P2RX7: variants seen among roughly 807,000 people sequenced by gnomAD.
P2RX7 encodes the protein P2X purinoceptor 7.
A neutral mutation model predicts 71.6 loss-of-function variants in P2RX7; 62 were observed. The ratio of observed to expected loss-of-function variants is 0.87; its 90% CI spans 0.71 to 1.07. P2RX7 has a LOEUF of 1.07. Among genes scored for constraint, P2RX7 ranks in the 50% least tolerant of loss-of-function variants. The probability of loss-of-function intolerance (pLI) is 0.00; values close to 1 mark genes in which losing one functional copy is unlikely to be tolerated. For synonymous variants in P2RX7, 299 were observed against 283.3 expected (o/e 1.06, Z -0.56); for missense variants, 686 against 748.5 (o/e 0.92, Z 0.97).
At chr12:121,163,663 G>T (rs914065333) in intron 5 of P2RX7, among the ~76,000 whole-genome samples, 4 of 151,752 alleles carry the variant, frequency 2.6e-5, no homozygotes, top group Non-Finnish European at 5.9e-5. Flanking sequence ...TTGCTATGTT[G>T]CCCAGGCTGG....
In P2RX7 at chr12:121,175,494, C is replaced by A; in HGVS notation, c.972+16C>A. The A allele has an allele frequency of 9.5e-7, 1 of 1,055,072 alleles. No individual in the cohort carries two copies. The highest frequency in any genetic ancestry group is 1.5e-6 in the Non-Finnish European group (1 of 669,312). The allele number at this position is 1,055,072 out of a possible 1,614,324, so 65.4% of individuals were successfully genotyped here. A position where few individuals can be genotyped will look rare whatever the true frequency, so the allele number is the denominator to read the frequency against. On this transcript the variant is annotated intron_variant, in intron 9 of 12. Transcript: ENST00000328963. ...TTTTGGCACCGTAAGTCTCGTTTCC[C>A]AGCTCCGGGCACCGGCATCCTATGA...
At chr12:121,157,767 A>G (rs933760818) in intron 3 of P2RX7, among the ~76,000 whole-genome samples, 1 of 152,128 alleles carries the variant, frequency 6.6e-6, no homozygotes, top group African/African-American at 2.4e-5. Flanking sequence ...CAGGCAGGTG[A>G]CTCTTCACCT....
chr12:121,169,800 T>C (rs1411036859), intron 8 of P2RX7, among the ~76,000 whole-genome samples: 1 of 152,164 alleles, frequency 6.6e-6, no homozygotes. Context: ...TGGTCCCAGC[T>C]ACTCAGGAGG....
intron 3 of P2RX7, among the ~76,000 whole-genome samples, chr12:121,159,417 C>CAAAAAAAAAAAAAAAAAAA (rs397850013): frequency 1.5e-5 from 1 of 65,768 alleles, no homozygotes; most frequent in African/African-American, 6.0e-5. Flanking sequence ...ACTCTGTCTC[C>CAAAAAAAAAAAAAAAAAAA]AAAAAAAAAA....
intron 5 of P2RX7, among the ~76,000 whole-genome samples, chr12:121,164,197 C>T (rs1364487587): frequency 2.0e-5 from 3 of 152,152 alleles, no homozygotes; most frequent in South Asian, 4.1e-4. Context: ...TGGATTTTGA[C>T]GTGACCTGGG....
rs913089685 is a variant in P2RX7, at chr12:121,143,485, T to C, written c.125+10390T>C. Among the ~76,000 whole-genome samples the C allele has an allele frequency of 3.6e-4, 55 of 150,956 alleles. 1 individual carries two copies. Among genetic ancestry groups the C allele is most frequent in the Admixed American group, 3.6e-3 (54 of 15,150 alleles). ...GGGAGGATTGCTTGATCCTGGGAGG[T>C]TGAGGCTGCAGTGAGCTGTGTTTGT... On this transcript the variant is annotated intron_variant, in intron 1 of 12. Coordinates refer to ENST00000328963, the MANE Select transcript of P2RX7 (RefSeq NM_002562.6).
chr12:121,162,539 C>G lies in P2RX7; in HGVS notation c.533+19C>G, dbSNP rs1443911493. The G allele has an allele frequency of 2.5e-6, 4 of 1,610,470 alleles. No individual in the cohort carries two copies. The highest frequency in any genetic ancestry group is 3.4e-6 in the Non-Finnish European group (4 of 1,179,844). ...CCCCCCGGTGAGTCGCATGGGGAGA[C>G]AGACACAGTGGCCCTCAGCGGCGAC... On this transcript the variant is annotated intron_variant, in intron 5 of 12. Transcript: ENST00000328963.
intron 3 of P2RX7, among the ~76,000 whole-genome samples, chr12:121,159,439 AAG>A (rs1491060595): frequency 7.9e-5 from 12 of 151,426 alleles, no homozygotes; most frequent in Non-Finnish European, 1.5e-4. Flanking sequence ...AAAAAAAAAA[AAG>A]ACAAATCTGT....
intron 1 of P2RX7, among the ~76,000 whole-genome samples, chr12:121,145,136 A>G (rs1875855796): frequency 6.6e-6 from 1 of 152,178 alleles, no homozygotes; most frequent in Admixed American, 6.5e-5. Context: ...TGAGAAAGCA[A>G]AAGGGCCTAG....
At chr12:121,139,319 G>A (rs1178595395) in intron 1 of P2RX7, among the ~76,000 whole-genome samples, 1 of 152,208 alleles carries the variant, frequency 6.6e-6, no homozygotes, top group African/African-American at 2.4e-5. Context: ...AAAGTTGGTT[G>A]CATTCTCTTT....
chr12:121,141,759 T>C (rs935767463), intron 1 of P2RX7, among the ~76,000 whole-genome samples: 24 of 152,186 alleles, frequency 1.6e-4, no homozygotes, highest in African/African-American at 5.8e-4. Context: ...ATTGGCCTAT[T>C]TGATTCTCCT....
chr12:121,154,302 A>AAG lies in P2RX7; in HGVS notation c.126-468_126-467dup, dbSNP rs562699805. 5.9e-5 allele frequency among the ~76,000 whole-genome samples: 9 copies of AAG among 151,330 alleles called. No individual in the cohort carries two copies. Among genetic ancestry groups the AAG allele is most frequent in the East Asian group, 3.9e-4 (2 of 5,168 alleles). ...CAAAACTCTGTTTCAAAAAAAAAAA[A>AAG]AGAGAGAGAGAGAGAGTAGCTGCCA... On this transcript the variant is annotated intron_variant, in intron 1 of 12. Transcript: ENST00000328963. The surrounding 1 kb of genome is among the most constrained non-coding windows in gnomAD (Gnocchi z 4.2).
At chr12:121,166,260 C>A in intron 7 of P2RX7, 73 bp downstream of exon 7, 2 of 1,503,308 alleles carry the variant, frequency 1.3e-6, no homozygotes, top group Non-Finnish European at 1.8e-6. Context: ...AGCCAAGAGG[C>A]CGGGCCACTG....
chr12:121,178,477 T>C (rs976114854), intron 11 of P2RX7, among the ~76,000 whole-genome samples: 4 of 152,186 alleles, frequency 2.6e-5, no homozygotes, highest in East Asian at 1.9e-4. Flanking sequence ...TATGAGGAAA[T>C]TGAGCCACAG....
Position 121,162,444 on chromosome 12 carries a change from G to T in P2RX7, c.457G>T (p.Val153Leu). The change falls in exon 5 of 13, where the codon GTA becomes TTA. Residue 153 changes from valine (V) to leucine (L), a missense_variant. Coordinates refer to ENST00000328963, the MANE Select transcript of P2RX7 (RefSeq NM_002562.6). Reference protein sequence around the residue: ...QSKGIQTGRCVVYEGNQKTCE... With the variant: ...QSKGIQTGRCLVYEGNQKTCE... ...TATAGGAATTCAGACCGGAAGGTGT[G>T]TAGTGTATGAAGGGAACCAGAAGAC... is the stretch of plus-strand genomic sequence containing the variant. 1 of 1,613,980 alleles carries T rather than the reference G, an allele frequency of 6.2e-7. No individual in the cohort carries two copies. The highest frequency in any genetic ancestry group is 8.5e-7 in the Non-Finnish European group (1 of 1,179,974).
rs1435234162 is a variant in P2RX7 at position 121,160,894 on chromosome 12, A to G, written c.364-8A>G. On this transcript the variant is annotated splice_region_variant and splice_polypyrimidine_tract_variant and intron_variant, in intron 3 of 12. Transcript: ENST00000328963. ...TTACTCCCCACTCTGTCATCCTTCTATCTGCAGTATCCCACCCGCAGGACG... is the reference window on the plus strand; with the variant it reads ...TTACTCCCCACTCTGTCATCCTTCTGTCTGCAGTATCCCACCCGCAGGACG... 3.1e-6 allele frequency: 5 copies of G among 1,609,776 alleles called. No homozygotes were observed. The highest frequency in any genetic ancestry group is 2.6e-6 in the Non-Finnish European group (3 of 1,176,182).
chr12:121,146,287 CTTTTTTTTTTTTTTTTTT>C (rs35415599), intron 1 of P2RX7, among the ~76,000 whole-genome samples: 1 of 80,482 alleles, frequency 1.2e-5, no homozygotes, highest in African/African-American at 6.9e-5. Flanking sequence ...TCAAGCCTCT[CTTTTTTTTTTTTTTTTTT>C]TTTTTTTTTT....
chr12:121,151,753 ACTCCATG>A (rs939853360), intron 1 of P2RX7, among the ~76,000 whole-genome samples: 22 of 151,346 alleles, frequency 1.5e-4, no homozygotes, highest in African/African-American at 4.9e-4. Context: ...CCAAAAGGAC[ACTCCATG>A]CCCCCCAGGA....
chr12:121,176,228 AAC>A (rs56222751), intron 9 of P2RX7, among the ~76,000 whole-genome samples: 21,617 of 140,648 alleles, frequency 0.15, 1,862 homozygotes, highest in East Asian at 0.3. Flanking sequence ...CAGCCCCTTC[AAC>A]ACACACACAC....
Sources: allele counts gnomAD v4.1 joint callset (sites outside exome capture counted in the v4.1 genomes callset), GRCh38; gene constraint gnomAD v4.1.1; non-coding constraint Gnocchi (gnomAD v3.1); transcripts MANE v1.5; gene names NCBI Gene and HGNC (gene_info 2026-07-23, HGNC 2026-07-21).